The following KCNT2 variants were observed in gnomAD, a reference collection of about 807,000 sequenced individuals.
KCNT2 encodes potassium sodium-activated channel subfamily T member 2.
Under a neutral mutation model 153.8 loss-of-function variants are expected in KCNT2, and 67 were observed. The observed-to-expected ratio is 0.44, with a 90% CI of 0.36 to 0.53. The LOEUF is 0.53. KCNT2 is among the 20% of genes least tolerant of loss of function. The probability of loss-of-function intolerance (pLI) is 0.00; values close to 1 mark genes in which losing one functional copy is unlikely to be tolerated. For missense variants in KCNT2, 975 were observed against 1,354.8 expected, an observed-to-expected ratio of 0.72 and a Z score of 4.40; for synonymous variants, 500 against 458.8, an observed-to-expected ratio of 1.09 and a Z score of -1.15.
At chr1:196,593,064 T>G (rs1663577826) in intron 1 of KCNT2, among the ~76,000 whole-genome samples, 1 of 150,444 alleles carries the variant, frequency 6.6e-6, no homozygotes, top group Non-Finnish European at 1.5e-5. Context: ...TAGTCTTTTA[T>G]CCCTTACCCC....
At chr1:196,483,047 T>C (rs1312720220) in intron 3 of KCNT2, among the ~76,000 whole-genome samples, 1 of 152,130 alleles carries the variant, frequency 6.6e-6, no homozygotes, top group Non-Finnish European at 1.5e-5. Context: ...TAGTACACAG[T>C]TGATTCCAAT....
chr1:196,266,367 T>C (rs1054715088), intron 25 of KCNT2, among the ~76,000 whole-genome samples: 1 of 152,084 alleles, frequency 6.6e-6, no homozygotes, highest in Non-Finnish European at 1.5e-5. Context: ...CTTATGGAGG[T>C]GATTATCACA....
At chr1:196,512,760 TA>T (rs1172947238) in intron 1 of KCNT2, among the ~76,000 whole-genome samples, 1 of 152,024 alleles carries the variant, frequency 6.6e-6, no homozygotes, top group Admixed American at 6.6e-5. Flanking sequence ...AAACTTTAAG[TA>T]AAAAAATGGA....
At chr1:196,352,123 A>G (rs1666762777) in intron 14 of KCNT2, among the ~76,000 whole-genome samples, 1 of 151,790 alleles carries the variant, frequency 6.6e-6, no homozygotes, top group Non-Finnish European at 1.5e-5. Flanking sequence ...TTTATTGAGG[A>G]TTTTTGCATC....
At chr1:196,457,243 T>A (rs965941151) in intron 8 of KCNT2, among the ~76,000 whole-genome samples, 2 of 151,670 alleles carry the variant, frequency 1.3e-5, no homozygotes, top group African/African-American at 4.8e-5. Context: ...CACTAAAAAT[T>A]AAATAATAAT....
chr1:196,386,878 G>A (rs1248045861), intron 13 of KCNT2, among the ~76,000 whole-genome samples: 1 of 151,900 alleles, frequency 6.6e-6, no homozygotes, highest in Non-Finnish European at 1.5e-5. Flanking sequence ...AAGTGAGATC[G>A]ATCATGGGTT....
chr1:196,238,471 T>A (rs1349402832), intron 26 of KCNT2, among the ~76,000 whole-genome samples: 1 of 151,990 alleles, frequency 6.6e-6, no homozygotes, highest in African/African-American at 2.4e-5. Flanking sequence ...AGCATCACAA[T>A]CAGAAATAAT....
intron 1 of KCNT2, among the ~76,000 whole-genome samples, chr1:196,545,174 A>G (rs567339773): frequency 4.6e-5 from 7 of 152,246 alleles, no homozygotes; most frequent in Middle Eastern, 3.4e-3. Context: ...ATTGCTATAA[A>G]TTATGAGAGT....
At chr1:196,292,578 G>C (rs1214621758) in intron 22 of KCNT2, among the ~76,000 whole-genome samples, 1 of 152,054 alleles carries the variant, frequency 6.6e-6, no homozygotes, top group Non-Finnish European at 1.5e-5. Context: ...AGGCCGAGGC[G>C]GGCGGATCAC....
intron 12 of KCNT2, among the ~76,000 whole-genome samples, chr1:196,405,313 AAGGT>A (rs955771205): frequency 6.6e-6 from 1 of 151,446 alleles, no homozygotes; most frequent in African/African-American, 2.4e-5. Context: ...TGTAATAATA[AAGGT>A]AGGTAACTTG....
At chr1:196,302,871 G>A (rs1002682524) in intron 22 of KCNT2, among the ~76,000 whole-genome samples, 1 of 151,890 alleles carries the variant, frequency 6.6e-6, no homozygotes, top group African/African-American at 2.4e-5. Context: ...ATTTTCCACA[G>A]CTTTATAACA....
At chr1:196,257,600 G>C in intron 26 of KCNT2, 1 of 925,068 alleles carries the variant, frequency 1.1e-6, no homozygotes, top group Non-Finnish European at 1.3e-6. Flanking sequence ...TTTAAGCTTT[G>C]CATTATTTAT....
At chr1:196,348,505 T>G (rs1051344295) in intron 14 of KCNT2, among the ~76,000 whole-genome samples, 5 of 152,180 alleles carry the variant, frequency 3.3e-5, no homozygotes, top group Non-Finnish European at 7.4e-5. Flanking sequence ...GTTATCTACT[T>G]CATACTCTTG....
chr1:196,563,717 A>C (rs1019865648), intron 1 of KCNT2, among the ~76,000 whole-genome samples: 6 of 151,994 alleles, frequency 3.9e-5, no homozygotes, highest in African/African-American at 1.4e-4. Context: ...CAACATATGC[A>C]AATCAAAAAC....
At chr1:196,243,057 T>C (rs1001328530) in intron 26 of KCNT2, among the ~76,000 whole-genome samples, 2 of 152,130 alleles carry the variant, frequency 1.3e-5, no homozygotes, top group African/African-American at 4.8e-5. Flanking sequence ...TCTCATGCCC[T>C]TTTGTAGTCA....
intron 6 of KCNT2, 109 bp from the exon 7 acceptor site, chr1:196,467,895 T>G (rs1677757206): frequency 1.9e-6 from 1 of 516,716 alleles, no homozygotes; most frequent in Non-Finnish European, 3.4e-6. Flanking sequence ...TATAATAATT[T>G]AAAATATGAC....
At chr1:196,470,882 T>C (rs1260444057) in intron 5 of KCNT2, among the ~76,000 whole-genome samples, 7 of 134,826 alleles carry the variant, frequency 5.2e-5, no homozygotes, top group South Asian at 5.1e-4. Context: ...CTTTCTTTTT[T>C]TTTTTTTTTT....
At chr1:196,540,131 T>C (rs1336841676) in intron 1 of KCNT2, among the ~76,000 whole-genome samples, 1 of 152,144 alleles carries the variant, frequency 6.6e-6, no homozygotes, top group Non-Finnish European at 1.5e-5. Context: ...TGTTGTTGAG[T>C]AAAAGGATCA....
chr1:196,508,772 A>C (rs1681362599), intron 1 of KCNT2, among the ~76,000 whole-genome samples: 1 of 152,214 alleles, frequency 6.6e-6, no homozygotes, highest in Non-Finnish European at 1.5e-5. Flanking sequence ...GAAAAATCAA[A>C]AGGTTTAATA....
Sources: gnomAD v4.1 joint callset for allele counts (sites outside exome capture counted in the v4.1 genomes callset) on GRCh38, gnomAD v4.1.1 for gene constraint, MANE v1.5 for transcripts, NCBI Gene and HGNC (gene_info 2026-07-23, HGNC 2026-07-21) for gene names.